The following FREM1 variants were observed in gnomAD, a reference collection of about 807,000 sequenced individuals.
FREM1 encodes the protein FRAS1 related extracellular matrix 1.
FREM1 carries 220 observed loss-of-function variants against 210.1 expected under a neutral mutation model. The observed-to-expected ratio is 1.05, with a 90% CI of 0.94 to 1.17. FREM1 has a LOEUF of 1.17. FREM1 is among the 50% of genes most tolerant of loss of function. The pLI is 0.00. For missense variants in FREM1, 3,454 were observed against 2,675.5 expected (o/e 1.29, Z -6.42); for synonymous variants, 1,189 against 980.2 (o/e 1.21, Z -3.98).
chr9:14,831,243 T>C (rs553622018), intron 10 of FREM1, among the ~76,000 whole-genome samples: 50 of 152,324 alleles, frequency 3.3e-4, no homozygotes, highest in African/African-American at 8.4e-4. Flanking sequence ...ACTATCCTGT[T>C]GCAAAACTCT....
chr9:14,870,480 G>C (rs1032473054), intron 1 of FREM1, among the ~76,000 whole-genome samples: 1 of 151,788 alleles, frequency 6.6e-6, no homozygotes, highest in Non-Finnish European at 1.5e-5. Flanking sequence ...TTTTGTTGCT[G>C]TTGTCTTTGT....
chr9:14,869,942 C>T (rs1832280954), intron 1 of FREM1, among the ~76,000 whole-genome samples: 1 of 152,258 alleles, frequency 6.6e-6, no homozygotes, highest in South Asian at 2.1e-4. Context: ...ATGCTAATTA[C>T]ATTCCCATGT....
chr9:14,867,214 G>C (rs974299756), intron 2 of FREM1, among the ~76,000 whole-genome samples: 1 of 152,116 alleles, frequency 6.6e-6, no homozygotes, highest in African/African-American at 2.4e-5. Flanking sequence ...ACCCACTCCT[G>C]AGCTTATTTG....
In FREM1 at chr9:14,750,214, C is replaced by T. The variant is rs912546698; in HGVS notation, c.5470G>A (p.Val1824Ile). The change falls in exon 30 of 37, where the codon GTC becomes ATC. Residue 1824 changes from valine to isoleucine, a missense_variant. Transcript: ENST00000380880. Reference protein sequence around the residue: ...TYDGLEEDDEVFEVILNSPVN... With the variant: ...TYDGLEEDDEIFEVILNSPVN... Reference sequence around the variant, plus strand: ...GGGGAGTTCAGAATTACTTCAAAGACCTCATCATCTTCCTCTAATCCGTCA... The same window carrying T: ...GGGGAGTTCAGAATTACTTCAAAGATCTCATCATCTTCCTCTAATCCGTCA... 1.2e-6 allele frequency: 2 copies of T among 1,613,274 alleles called. No individual in the cohort carries two copies.
chr9:14,864,313 C>T (rs530676131), intron 2 of FREM1, among the ~76,000 whole-genome samples: 7 of 152,276 alleles, frequency 4.6e-5, no homozygotes, highest in Non-Finnish European at 1.0e-4. Context: ...CATGCTTTAA[C>T]CCACCCACAA....
intron 2 of FREM1, among the ~76,000 whole-genome samples, chr9:14,866,434 G>A (rs576504904): frequency 6.6e-6 from 1 of 152,298 alleles, no homozygotes; most frequent in South Asian, 2.1e-4. Context: ...ATACGGTAAG[G>A]AGTCATAGGC....
At position 14,868,922 on chromosome 9, in the gene FREM1, G is replaced by T; in HGVS notation, c.56C>A (p.Ala19Asp). 6.2e-7 allele frequency: 1 copy of T among 1,603,414 alleles called. No homozygotes were observed. Among genetic ancestry groups the T allele is most frequent in the East Asian group, 2.2e-5 (1 of 44,600 alleles). Residue 19 changes from alanine to aspartate, a missense_variant, in exon 2 of 37, where the codon GCC becomes GAC. Coordinates refer to ENST00000380880, the MANE Select transcript of FREM1 (RefSeq NM_001379081.2). ...ANAVLLLLLL[A>D]WASPTFISIN... is the part of the protein sequence containing the mutation. ...GCTGATGAAGGTGGGGCTGGCCCAG[G>T]CCAGGAGGAGCAGCAGCAGCACGGC...
intron 28 of FREM1, 96 bp downstream of exon 28, chr9:14,759,676 C>G: frequency 8.3e-7 from 1 of 1,208,174 alleles, no homozygotes. Flanking sequence ...TTGAAATTTC[C>G]TTGGTCACTC....
chr9:14,805,022 T>A lies in FREM1; in HGVS notation c.3405A>T (p.Ile1135=). The A allele has an allele frequency of 1.2e-6, 2 of 1,613,810 alleles. No individual in the cohort carries two copies. The highest frequency in any genetic ancestry group is 1.7e-6 in the Non-Finnish European group (2 of 1,179,710). ...VTDGKHHSLE[I]PFSIIINPTN... is the part of the protein sequence containing the mutation. Reference sequence around the variant, plus strand: ...TGGGGTTGATTATAATAGAAAATGGTATCTCCAAGGAGTGATGCTTCCCAT... The same window carrying A: ...TGGGGTTGATTATAATAGAAAATGGAATCTCCAAGGAGTGATGCTTCCCAT... Residue 1135 remains isoleucine (I), a synonymous_variant, in exon 19 of 37, where the codon ATA becomes ATT. Transcript: ENST00000380880.
At position 14,909,956 on chromosome 9, in the gene FREM1, T is replaced by C. The variant is rs1023548689; in HGVS notation, c.-310A>G. The C allele has an allele frequency of 1.3e-5, 2 of 152,176 alleles. No homozygotes were observed. Among genetic ancestry groups the C allele is most frequent in the African/African-American group, 4.8e-5 (2 of 41,436 alleles). The allele number at this position is 152,176 out of a possible 1,614,324, so 9.4% of individuals were successfully genotyped here. On this transcript the variant is annotated 5_prime_UTR_variant, in exon 1 of 37. Coordinates refer to ENST00000380880, the MANE Select transcript of FREM1 (RefSeq NM_001379081.2). ...TCCAAGACAAAAAGTTAGAAACCCT[T>C]GGAACTGGCGGGCAGGATAAGAGTC...
At chr9:14,795,981 A>G (rs894947283) in intron 21 of FREM1, among the ~76,000 whole-genome samples, 1 of 152,186 alleles carries the variant, frequency 6.6e-6, no homozygotes, top group Non-Finnish European at 1.5e-5. Context: ...TTTCATATTT[A>G]TAAATAAAGG....
At chr9:14,785,529 A>T (rs572705905) in intron 23 of FREM1, among the ~76,000 whole-genome samples, 2 of 152,316 alleles carry the variant, frequency 1.3e-5, no homozygotes, top group South Asian at 4.1e-4. Flanking sequence ...AGAGATGCAA[A>T]CAACTCAAGT....
intron 1 of FREM1, among the ~76,000 whole-genome samples, chr9:14,870,966 C>T (rs1177391890): frequency 3.3e-5 from 5 of 151,902 alleles, no homozygotes; most frequent in African/African-American, 1.2e-4. Context: ...CATCCATGTC[C>T]CTACAAAGGA....
chr9:14,792,586 A>G (rs945531848), intron 22 of FREM1, among the ~76,000 whole-genome samples, 157 bp downstream of exon 22: 4 of 152,202 alleles, frequency 2.6e-5, no homozygotes, highest in Non-Finnish European at 5.9e-5. Flanking sequence ...AGACTTTAGA[A>G]CAGCATGAAT....
At chr9:14,748,725 G>C in intron 30 of FREM1, 86 bp from the exon 31 acceptor site, 1 of 871,058 alleles carries the variant, frequency 1.1e-6, no homozygotes, top group Non-Finnish European at 1.8e-6. Flanking sequence ...GGAGCAGCTT[G>C]TCATTAAACC....
chr9:14,743,862 A>C (rs1490240675), intron 35 of FREM1, among the ~76,000 whole-genome samples: 1 of 152,088 alleles, frequency 6.6e-6, no homozygotes, highest in African/African-American at 2.4e-5. Flanking sequence ...ATCAACATCA[A>C]AGCCCTTTCC....
At chr9:14,775,301 G>A (rs984856050) in intron 25 of FREM1, among the ~76,000 whole-genome samples, 4 of 152,022 alleles carry the variant, frequency 2.6e-5, no homozygotes, top group East Asian at 1.9e-4. Context: ...CAACACTCAC[G>A]GTCAGTCATT....
intron 16 of FREM1, among the ~76,000 whole-genome samples, chr9:14,811,614 AT>A (rs1283736693): frequency 1.3e-5 from 2 of 152,188 alleles, no homozygotes; most frequent in Non-Finnish European, 2.9e-5. Context: ...GAGAGATACC[AT>A]TTAAAGAAAA....
chr9:14,873,709 G>C (rs1268194721), intron 1 of FREM1, among the ~76,000 whole-genome samples: 2 of 152,092 alleles, frequency 1.3e-5, no homozygotes. Flanking sequence ...CCTTCTGCTA[G>C]CTTTTGAATT....
Sources: allele counts gnomAD v4.1 joint callset (sites outside exome capture counted in the v4.1 genomes callset), GRCh38; gene constraint gnomAD v4.1.1; transcripts MANE v1.5; gene names NCBI Gene and HGNC (gene_info 2026-07-23, HGNC 2026-07-21).